PAM: variants seen among roughly 807,000 people sequenced by gnomAD.
PAM encodes the protein peptidyl-glycine alpha-amidating monooxygenase.
PAM carries 72 observed loss-of-function variants against 122.1 expected under a neutral mutation model. That is an observed-to-expected ratio of 0.59 (90% confidence interval 0.49 to 0.72). The LOEUF is 0.72. PAM is among the 30% of genes least tolerant of loss of function. The pLI is 0.00. For missense variants in PAM, 1,106 were observed against 1,183.7 expected (o/e 0.93, Z 0.96); for synonymous variants, 389 against 404.4 (o/e 0.96, Z 0.46).
intron 23 of PAM, among the ~76,000 whole-genome samples, chr5:103,024,728 C>T (rs1583024522): frequency 6.6e-6 from 1 of 152,162 alleles, no homozygotes; most frequent in East Asian, 1.9e-4. Context: ...AAGTAACTTG[C>T]CCAAAGTTAT....
intron 16 of PAM, among the ~76,000 whole-genome samples, chr5:102,991,490 A>C (rs926086806): frequency 3.9e-5 from 6 of 152,136 alleles, no homozygotes; most frequent in South Asian, 2.1e-4. Flanking sequence ...AAAATCGAGG[A>C]TCTACATGTA....
chr5:102,823,684 A>C (rs1001224349), intron 1 of PAM, among the ~76,000 whole-genome samples: 3 of 152,224 alleles, frequency 2.0e-5, no homozygotes, highest in African/African-American at 2.4e-5. Context: ...TTCTTCTAAG[A>C]GTGAGCATTA....
intron 3 of PAM, among the ~76,000 whole-genome samples, chr5:102,898,112 A>G (rs1385911296): frequency 6.6e-6 from 1 of 151,558 alleles, no homozygotes; most frequent in African/African-American, 2.4e-5. Flanking sequence ...TGTCAGAAAA[A>G]TGTACTTTTC....
intron 1 of PAM, among the ~76,000 whole-genome samples, chr5:102,771,058 A>G (rs76912284): frequency 0.025 from 3,761 of 152,186 alleles, 153 homozygotes; most frequent in African/African-American, 0.085. Context: ...AATATTTTGT[A>G]CAGTGGCACC....
chr5:102,867,249 A>G (rs1394107806), intron 2 of PAM, 24 bp from the exon 3 acceptor site: 1 of 1,543,284 alleles, frequency 6.5e-7, no homozygotes. Flanking sequence ...GTTCAAGAAT[A>G]TTGAAATTGC....
At chr5:102,779,218 A>ATG (rs1441206558) in intron 1 of PAM, among the ~76,000 whole-genome samples, 1 of 151,076 alleles carries the variant, frequency 6.6e-6, no homozygotes, top group African/African-American at 2.4e-5. Context: ...ATGCATATAT[A>ATG]TGTGTGTGTA....
intron 7 of PAM, among the ~76,000 whole-genome samples, chr5:102,932,557 G>A (rs1381699273): frequency 6.8e-6 from 1 of 147,980 alleles, no homozygotes; most frequent in Non-Finnish European, 1.5e-5. Flanking sequence ...ATGTATGTGT[G>A]TGTATGTATA....
intron 16 of PAM, among the ~76,000 whole-genome samples, chr5:102,998,509 A>G (rs965446272): frequency 2.0e-5 from 3 of 152,240 alleles, no homozygotes; most frequent in Non-Finnish European, 4.4e-5. Context: ...ATGAATTGGA[A>G]TTATGAATCA....
At chr5:102,908,115 G>GT (rs1191545034) in intron 4 of PAM, among the ~76,000 whole-genome samples, 1 of 151,858 alleles carries the variant, frequency 6.6e-6, no homozygotes, top group Non-Finnish European at 1.5e-5. Flanking sequence ...GGTCTAACAT[G>GT]TAAGTCTTTA....
At chr5:102,922,426 T>C (rs368274107) in intron 5 of PAM, among the ~76,000 whole-genome samples, 13 of 152,012 alleles carry the variant, frequency 8.6e-5, no homozygotes, top group African/African-American at 2.9e-4. Context: ...ATAAGGAAGA[T>C]TGGAAACTGG....
intron 4 of PAM, among the ~76,000 whole-genome samples, chr5:102,904,424 C>T (rs1030996103): frequency 3.3e-5 from 5 of 151,444 alleles, no homozygotes; most frequent in Admixed American, 6.6e-5. Flanking sequence ...GCTGAATGCG[C>T]GAGTGAATAC....
chr5:103,028,097 C>T, intron 24 of PAM, 88 bp from the exon 25 acceptor site: 1 of 944,548 alleles, frequency 1.1e-6, no homozygotes, highest in Non-Finnish European at 1.7e-6. Flanking sequence ...TATCATTTAC[C>T]AGTTCCTATT....
At chr5:102,829,689 T>C (rs1473015306) in intron 1 of PAM, among the ~76,000 whole-genome samples, 1 of 152,186 alleles carries the variant, frequency 6.6e-6, no homozygotes, top group Non-Finnish European at 1.5e-5. Context: ...TGGGAGTTTT[T>C]TGTGGTTAGA....
chr5:102,945,878 A>G (rs1046288547), intron 7 of PAM, among the ~76,000 whole-genome samples: 2 of 152,168 alleles, frequency 1.3e-5, no homozygotes, highest in African/African-American at 4.8e-5. Context: ...ATGATGATGC[A>G]TGTCAGAGAC....
chr5:102,907,275 T>C (rs1799857503), intron 4 of PAM, among the ~76,000 whole-genome samples: 1 of 151,844 alleles, frequency 6.6e-6, no homozygotes, highest in Non-Finnish European at 1.5e-5. Context: ...TCCAATTTCA[T>C]CCATGTCCCT....
At chr5:103,011,906 C>A (rs977846368) in intron 21 of PAM, among the ~76,000 whole-genome samples, 1 of 152,196 alleles carries the variant, frequency 6.6e-6, no homozygotes, top group South Asian at 2.1e-4. Flanking sequence ...CTTTTCTCCA[C>A]ATCCTCATCA....
intron 1 of PAM, among the ~76,000 whole-genome samples, chr5:102,791,988 A>G (rs1291695772): frequency 1.3e-5 from 2 of 152,180 alleles, no homozygotes; most frequent in African/African-American, 4.8e-5. Context: ...ACATTGGGAG[A>G]AGTTGTACCC....
intron 1 of PAM, among the ~76,000 whole-genome samples, chr5:102,787,398 A>G (rs1760818394): frequency 6.6e-6 from 1 of 152,040 alleles, no homozygotes; most frequent in South Asian, 2.1e-4. Context: ...TTCACTAAGC[A>G]CAGGAAATCT....
chr5:102,966,993 CTT>C lies in PAM; in HGVS notation c.1162+5773_1162+5774del, dbSNP rs3836846. ...TTTACAATTTCTAAAAAATTAGATA[CTT>C]TTTTTTTTCTATCCAGTAATCTTAA... On this transcript the variant is annotated intron_variant, in intron 14 of 25. Coordinates refer to ENST00000438793, the MANE Select transcript of PAM (RefSeq NM_001177306.2). Among the ~76,000 whole-genome samples the C allele has an allele frequency of 3.6e-3, 535 of 150,472 alleles. 3 individuals carry two copies. Among genetic ancestry groups the C allele is most frequent in the African/African-American group, 0.013 (519 of 41,026 alleles).
Sources: gnomAD v4.1 joint callset for allele counts (sites outside exome capture counted in the v4.1 genomes callset) on GRCh38, gnomAD v4.1.1 for gene constraint, MANE v1.5 for transcripts, NCBI Gene and HGNC (gene_info 2026-07-23, HGNC 2026-07-21) for gene names.